Variants in KCNQ1 observed in about 807,000 individuals in gnomAD.
The protein encoded by KCNQ1 is potassium voltage-gated channel subfamily KQT member 1.
In KCNQ1, 49 loss-of-function variants were observed where a neutral mutation model predicts 72.4. The ratio of observed to expected loss-of-function variants is 0.68; its 90% CI spans 0.54 to 0.86. The LOEUF (loss-of-function observed/expected upper bound fraction) is 0.86, where lower values mean the gene tolerates loss of function less well. KCNQ1 is among the 40% of genes least tolerant of loss of function. The probability of loss-of-function intolerance (pLI) is 0.00; values close to 1 mark genes in which losing one functional copy is unlikely to be tolerated. For missense variants in KCNQ1, 790 were observed against 945.1 expected, an observed-to-expected ratio of 0.84 and a Z score of 2.15; for synonymous variants, 450 against 412.6, an observed-to-expected ratio of 1.09 and a Z score of -1.10.
intron 1 of KCNQ1, among the ~76,000 whole-genome samples, chr11:2,472,067 GGT>G (rs748340566): frequency 1.8e-4 from 27 of 147,864 alleles, no homozygotes; most frequent in Middle Eastern, 3.9e-3. Flanking sequence ...CATGTGTGTA[GGT>G]GTGTGTGTTC....
At chr11:2,560,131 TG>T (rs1378800729) in intron 2 of KCNQ1, among the ~76,000 whole-genome samples, 1 of 41,916 alleles carries the variant, frequency 2.4e-5, no homozygotes, top group Non-Finnish European at 4.8e-5. Context: ...ATCTCAGACA[TG>T]GGGGGGAGAT....
intron 2 of KCNQ1, among the ~76,000 whole-genome samples, chr11:2,553,670 AT>A (rs1316629235): frequency 7.3e-5 from 11 of 151,416 alleles, no homozygotes; most frequent in Admixed American, 2.6e-4. Flanking sequence ...ATTTTATTTT[AT>A]TTTATTTATT....
At chr11:2,774,607 G>A (rs930039297) in intron 12 of KCNQ1, among the ~76,000 whole-genome samples, 4 of 152,182 alleles carry the variant, frequency 2.6e-5, no homozygotes, top group African/African-American at 4.8e-5. Context: ...AATGTTGGGC[G>A]GGCTGTAAGA....
rs756154568 is a variant in KCNQ1, at chr11:2,815,628, A to AG, written c.1795-32133dup. 5.3e-5 allele frequency among the ~76,000 whole-genome samples: 8 copies of AG among 152,208 alleles called. No homozygotes were observed. Among genetic ancestry groups the AG allele is most frequent in the Middle Eastern group, 3.4e-3 (1 of 294 alleles). On this transcript the variant is annotated intron_variant, in intron 15 of 15. Transcript: ENST00000155840. This position sits in a 1 kb window ranked among gnomAD's most constrained non-coding sequence, Gnocchi z 5.4. The stretch of plus-strand genomic sequence containing the variant: ...CCAGGATGCCTGACAGTAGAGTTGC[A>AG]GGGGGGCAGGCACCATCGCCCCCAG...
In KCNQ1 at chr11:2,698,381, CCA is replaced by C; in HGVS notation, c.1514+36303_1514+36304del. On this transcript the variant is annotated intron_variant, in intron 11 of 15. Coordinates refer to ENST00000155840, the MANE Select transcript of KCNQ1 (RefSeq NM_000218.3). This position sits in a 1 kb window ranked among gnomAD's most constrained non-coding sequence, Gnocchi z 5.1. Reference sequence around the variant, plus strand: ...AAAGGCTATTTGACCTGCTCAGGGACCACAGTGGGGTACTGGGATCTGAACAT... The same window carrying C: ...AAAGGCTATTTGACCTGCTCAGGGACCAGTGGGGTACTGGGATCTGAACAT... 1 of 398,570 alleles carries C rather than the reference CCA, an allele frequency of 2.5e-6. No individual in the cohort carries two copies. The highest frequency in any genetic ancestry group is 3.6e-5 in the East Asian group (1 of 28,076). The allele number at this position is 398,570 out of a possible 1,614,324, so 24.7% of individuals were successfully genotyped here.
Position 2,718,098 on chromosome 11 carries a change from A to AG in KCNQ1, c.1515-50746_1515-50745insG, listed in dbSNP as rs141342432. On this transcript the variant is annotated intron_variant, in intron 11 of 15. Coordinates refer to ENST00000155840, the MANE Select transcript of KCNQ1 (RefSeq NM_000218.3). ...CCTCTTCTGGAAGAGCCGGGTTGAC[A>AG]CCCGCGTGCCCCGTCCTGGCTTAAA... 3.5e-3 allele frequency among the ~76,000 whole-genome samples: 533 copies of AG among 152,180 alleles called. 6 individuals carry two copies. Among genetic ancestry groups the AG allele is most frequent in the African/African-American group, 0.012 (482 of 41,500 alleles).
At chr11:2,843,918 T>TA (rs1564914587) in intron 15 of KCNQ1, among the ~76,000 whole-genome samples, 1 of 152,126 alleles carries the variant, frequency 6.6e-6, no homozygotes, top group Non-Finnish European at 1.5e-5. Flanking sequence ...AAATTGCAAA[T>TA]AATGGTGGAG....
intron 10 of KCNQ1, chr11:2,615,851 T>A (rs1849052805): frequency 2.5e-6 from 1 of 397,928 alleles, no homozygotes; most frequent in South Asian, 1.3e-4. Context: ...TTTGTCTGGC[T>A]TTGGAATCCA....
At chr11:2,689,912 T>C (rs231351) in intron 11 of KCNQ1, 246,354 of 398,680 alleles carry the variant, frequency 0.62, 81,484 homozygotes, top group East Asian at 0.99. Context: ...CTGCTCCAAC[T>C]TCTGGTACTC....
At position 2,626,872 on chromosome 11, in the gene KCNQ1, TTCA is replaced by T. The variant is rs1201295850; in HGVS notation, c.1394-35084_1394-35082del. The T allele has an allele frequency of 2.5e-6, 1 of 398,496 alleles. No individual in the cohort carries two copies. Among genetic ancestry groups the T allele is most frequent in the African/African-American group, 2.1e-5 (1 of 48,632 alleles). 24.7% of individuals were successfully genotyped at this position (398,496 alleles called of 1,614,324 possible). On this transcript the variant is annotated intron_variant, in intron 10 of 15. Transcript: ENST00000155840. This position sits in a 1 kb window ranked among gnomAD's most constrained non-coding sequence, Gnocchi z 4.0. ...AGAAAGTGTGAGTCCTCCAATGTTG[TTCA>T]TCATTTTCAAGAATGTTTTAGCTAT... is the stretch of plus-strand genomic sequence containing the variant.
chr11:2,684,493 C>A, intron 11 of KCNQ1: 1 of 398,636 alleles, frequency 2.5e-6, no homozygotes, highest in South Asian at 1.3e-4. Context: ...CTGAGTTCTC[C>A]TTCTATTCCT....
intron 11 of KCNQ1, among the ~76,000 whole-genome samples, chr11:2,729,860 T>TG (rs1204918276): frequency 6.6e-6 from 1 of 152,038 alleles, no homozygotes; most frequent in African/African-American, 2.4e-5. Context: ...AGGGCTGGTT[T>TG]GGGGAAGGGG....
rs1253686497 is a variant in KCNQ1, at chr11:2,748,508, G to A, written c.1515-20336G>A. On this transcript the variant is annotated intron_variant, in intron 11 of 15. Coordinates refer to ENST00000155840, the MANE Select transcript of KCNQ1 (RefSeq NM_000218.3). This position sits in a 1 kb window ranked among gnomAD's most constrained non-coding sequence, Gnocchi z 6.2. ...CTCCACTCTTCCTCCAGGTGAGCCC[G>A]AGGGCCCAGCTGGGCGTCCACGTGG... is the stretch of plus-strand genomic sequence containing the variant. Among the ~76,000 whole-genome samples the A allele has an allele frequency of 8.5e-5, 13 of 152,178 alleles. No individual in the cohort carries two copies. Among genetic ancestry groups the A allele is most frequent in the East Asian group, 5.8e-4 (3 of 5,170 alleles).
At chr11:2,662,276 C>G (rs542201897) in intron 11 of KCNQ1, 195 bp downstream of exon 11, 1 of 631,996 alleles carries the variant, frequency 1.6e-6, no homozygotes, top group African/African-American at 1.8e-5. Context: ...CCCACTGAGC[C>G]TGGGAACATG....
chr11:2,673,667 A>AG lies in KCNQ1; in HGVS notation c.1514+11588dup, dbSNP rs1850230926. 1 of 398,554 alleles carries AG rather than the reference A, an allele frequency of 2.5e-6. No individual in the cohort carries two copies. Among genetic ancestry groups the AG allele is most frequent in the African/African-American group, 2.1e-5 (1 of 48,612 alleles). 24.7% of individuals were successfully genotyped at this position (398,554 alleles called of 1,614,324 possible). ...CCTGACTCATGTCCCTTGTCTGCAT[A>AG]GGTGTTTTCCTATAAATGTTTAATT... On this transcript the variant is annotated intron_variant, in intron 11 of 15. Coordinates refer to ENST00000155840, the MANE Select transcript of KCNQ1 (RefSeq NM_000218.3). This position sits in a 1 kb window ranked among gnomAD's most constrained non-coding sequence, Gnocchi z 4.5.
chr11:2,642,642 T>A lies in KCNQ1; in HGVS notation c.1394-19319T>A, dbSNP rs1849597423. ...TTTGCATTTCATTGATCCTTTATAT[T>A]TATTTAGTTTCTTGTTTAGTTCTGC... On this transcript the variant is annotated intron_variant, in intron 10 of 15. Transcript: ENST00000155840. The surrounding 1 kb of genome is among the most constrained non-coding windows in gnomAD (Gnocchi z 4.3). 1 of 397,930 alleles carries A rather than the reference T, an allele frequency of 2.5e-6. No individual in the cohort carries two copies. 24.6% of individuals were successfully genotyped at this position (397,930 alleles called of 1,614,324 possible).
chr11:2,648,615 T>C (rs1849703837), intron 10 of KCNQ1: 2 of 398,478 alleles, frequency 5.0e-6, no homozygotes, highest in Admixed American at 4.4e-5. Context: ...TCCAGTTTTA[T>C]TCCATTGTGG....
chr11:2,740,851 C>T (rs1846039051), intron 11 of KCNQ1, among the ~76,000 whole-genome samples: 1 of 152,224 alleles, frequency 6.6e-6, no homozygotes, highest in Non-Finnish European at 1.5e-5. Flanking sequence ...TGATCCCCTG[C>T]CTCTTTCCCG....
At position 2,456,957 on chromosome 11, in the gene KCNQ1, A is replaced by AACC. The variant is rs1554882143; in HGVS notation, c.386+11474_386+11475insCCA. 3.4e-4 allele frequency among the ~76,000 whole-genome samples: 41 copies of AACC among 122,132 alleles called. 5 individuals carry two copies. The highest frequency in any genetic ancestry group is 1.2e-3 in the African/African-American group (39 of 31,280). 80.1% of individuals were successfully genotyped at this position (122,132 alleles called of 152,430 possible). A position where few individuals can be genotyped will look rare whatever the true frequency, so the allele number is the denominator to read the frequency against. ...CGGTCTCAAAAAAAAAAAAAAAAAA[A>AACC]AAAAAAAACCCAAAAAAACAAAAAG... On this transcript the variant is annotated intron_variant, in intron 1 of 15. Transcript: ENST00000155840.
Sources: allele counts gnomAD v4.1 joint callset (sites outside exome capture counted in the v4.1 genomes callset), GRCh38; gene constraint gnomAD v4.1.1; non-coding constraint Gnocchi (gnomAD v3.1); transcripts MANE v1.5; gene names NCBI Gene and HGNC (gene_info 2026-07-23, HGNC 2026-07-21).